The following KCNJ3 variants were observed in gnomAD, a reference collection of about 807,000 sequenced individuals.
KCNJ3 encodes G protein-activated inward rectifier potassium channel 1.
Under a neutral mutation model 39.2 loss-of-function variants are expected in KCNJ3, and 4 were observed. That is an observed-to-expected ratio of 0.10 (90% CI 0.05 to 0.23). The LOEUF (loss-of-function observed/expected upper bound fraction) is 0.23. KCNJ3 is among the 10% of genes least tolerant of loss of function. The pLI is 1.00. For missense variants in KCNJ3, 276 were observed against 634.9 expected, an observed-to-expected ratio of 0.43 and a Z score of 6.08; for synonymous variants, 230 against 237.4, an observed-to-expected ratio of 0.97 and a Z score of 0.29.
At chr2:154,817,474 T>A (rs1241147794) in intron 2 of KCNJ3, among the ~76,000 whole-genome samples, 1 of 152,126 alleles carries the variant, frequency 6.6e-6, no homozygotes, top group Non-Finnish European at 1.5e-5. Context: ...GCTGTTCACC[T>A]ATTAGATGTG....
intron 2 of KCNJ3, among the ~76,000 whole-genome samples, chr2:154,795,602 G>A (rs1686708083): frequency 6.6e-6 from 1 of 151,854 alleles, no homozygotes; most frequent in South Asian, 2.1e-4. Context: ...GCTTACGAAG[G>A]GCATTTTTAT....
chr2:154,708,443 A>T (rs1457824943), intron 1 of KCNJ3, among the ~76,000 whole-genome samples: 1 of 152,064 alleles, frequency 6.6e-6, no homozygotes, highest in East Asian at 1.9e-4. Context: ...CTATCACTTC[A>T]TTGGGCAGAC....
intron 2 of KCNJ3, among the ~76,000 whole-genome samples, chr2:154,716,475 A>C (rs1685183472): frequency 6.6e-6 from 1 of 151,382 alleles, no homozygotes; most frequent in South Asian, 2.1e-4. Context: ...AAATTATTGT[A>C]TCTCTCTATT....
intron 2 of KCNJ3, among the ~76,000 whole-genome samples, chr2:154,845,832 A>G (rs1687654853): frequency 6.6e-6 from 1 of 152,054 alleles, no homozygotes; most frequent in Non-Finnish European, 1.5e-5. Context: ...TTAACTGGGC[A>G]TGTGGCATGT....
intron 1 of KCNJ3, among the ~76,000 whole-genome samples, chr2:154,703,819 C>T (rs1016105164): frequency 4.6e-5 from 7 of 152,024 alleles, no homozygotes; most frequent in Admixed American, 3.3e-4. Context: ...TATTTTTAAT[C>T]ACGAGACAAT....
At chr2:154,803,820 A>C (rs1413382765) in intron 2 of KCNJ3, among the ~76,000 whole-genome samples, 3 of 152,074 alleles carry the variant, frequency 2.0e-5, no homozygotes, top group Non-Finnish European at 4.4e-5. Context: ...ATTAAAGCTT[A>C]ATATAAAATG....
At chr2:154,736,692 C>T (rs1403339123) in intron 2 of KCNJ3, among the ~76,000 whole-genome samples, 3 of 152,058 alleles carry the variant, frequency 2.0e-5, no homozygotes, top group East Asian at 1.9e-4. Context: ...AAATTCCATG[C>T]CTTCAAAGAT....
intron 2 of KCNJ3, among the ~76,000 whole-genome samples, chr2:154,826,504 G>T (rs935388144): frequency 1.3e-5 from 2 of 152,110 alleles, no homozygotes; most frequent in African/African-American, 4.8e-5. Context: ...ACTTAATGTT[G>T]GAAAGGCCAT....
At chr2:154,754,826 G>C (rs1277304461) in intron 2 of KCNJ3, among the ~76,000 whole-genome samples, 1 of 152,020 alleles carries the variant, frequency 6.6e-6, no homozygotes, top group Non-Finnish European at 1.5e-5. Flanking sequence ...TATTATTTCT[G>C]CTTTAAATAT....
At chr2:154,845,896 G>GGAGGT (rs61219332) in intron 2 of KCNJ3, among the ~76,000 whole-genome samples, 16,955 of 151,838 alleles carry the variant, frequency 0.11, 1,274 homozygotes, top group African/African-American at 0.21. Flanking sequence ...CTTGAACCTG[G>GGAGGT]GAGGTGGAGG....
intron 1 of KCNJ3, among the ~76,000 whole-genome samples, chr2:154,708,392 AT>A (rs1012408261): frequency 5.3e-5 from 8 of 151,836 alleles, no homozygotes; most frequent in African/African-American, 1.7e-4. Context: ...AAGCCAATGT[AT>A]TTTTTTTGGA....
intron 2 of KCNJ3, among the ~76,000 whole-genome samples, chr2:154,786,012 A>G (rs533149485): frequency 4.6e-5 from 7 of 152,180 alleles, no homozygotes; most frequent in Admixed American, 4.6e-4. Context: ...GTCTGGGCTA[A>G]TGTTAAGGTG....
At position 154,857,313 on chromosome 2, in the gene KCNJ3, A is replaced by T. The variant is rs1465918637; in HGVS notation, c.*2000A>T. On this transcript the variant is annotated 3_prime_UTR_variant, in exon 3 of 3. Coordinates refer to ENST00000295101, the MANE Select transcript of KCNJ3 (RefSeq NM_002239.4). ...CATTTAGTCCAAGAACTTAAAACTA[A>T]ATAGAGCCATAATTTACTTTGGAGA... 1 of 152,182 alleles carries T rather than the reference A, an allele frequency of 6.6e-6. No homozygotes were observed. Among genetic ancestry groups the T allele is most frequent in the Non-Finnish European group, 1.5e-5 (1 of 68,030 alleles). 9.4% of individuals were successfully genotyped at this position (152,182 alleles called of 1,614,324 possible).
chr2:154,775,252 G>T (rs558930205), intron 2 of KCNJ3, among the ~76,000 whole-genome samples: 14 of 152,190 alleles, frequency 9.2e-5, no homozygotes, highest in African/African-American at 3.4e-4. Context: ...TAAGACAAAA[G>T]AATTGCCTTC....
At chr2:154,772,346 G>A (rs1237087026) in intron 2 of KCNJ3, among the ~76,000 whole-genome samples, 4 of 152,146 alleles carry the variant, frequency 2.6e-5, no homozygotes, top group Admixed American at 2.6e-4. Flanking sequence ...ATAAAAAAGA[G>A]AGAGAACAAG....
intron 2 of KCNJ3, among the ~76,000 whole-genome samples, chr2:154,829,878 T>C (rs1410956462): frequency 6.6e-6 from 1 of 152,188 alleles, no homozygotes; most frequent in East Asian, 1.9e-4. Flanking sequence ...ATTTTTCTAA[T>C]GATTAGTGAT....
chr2:154,842,104 T>C (rs1344682812), intron 2 of KCNJ3, among the ~76,000 whole-genome samples: 1 of 152,236 alleles, frequency 6.6e-6, no homozygotes, highest in Non-Finnish European at 1.5e-5. Context: ...CTCTACAAGC[T>C]GCTTTAAATG....
intron 2 of KCNJ3, among the ~76,000 whole-genome samples, chr2:154,812,100 A>C (rs1163740114): frequency 6.6e-6 from 1 of 152,186 alleles, no homozygotes; most frequent in Non-Finnish European, 1.5e-5. Context: ...TAAATGTTTA[A>C]GATGCATTTT....
intron 2 of KCNJ3, among the ~76,000 whole-genome samples, chr2:154,794,640 G>T (rs144538972): frequency 6.6e-6 from 1 of 151,968 alleles, no homozygotes; most frequent in Admixed American, 6.6e-5. Flanking sequence ...TTGCCAAATG[G>T]CATCTTGCCC....
Sources: gnomAD v4.1 joint callset for allele counts (sites outside exome capture counted in the v4.1 genomes callset) on GRCh38, gnomAD v4.1.1 for gene constraint, MANE v1.5 for transcripts, NCBI Gene and HGNC (gene_info 2026-07-23, HGNC 2026-07-21) for gene names.